The following TMPRSS11D variants were observed in gnomAD, a reference collection of about 807,000 sequenced individuals.
The protein encoded by TMPRSS11D is transmembrane protease serine 11D.
TMPRSS11D carries 32 observed loss-of-function variants against 44.4 expected under a neutral mutation model. The observed-to-expected ratio is 0.72, with a 90% CI of 0.54 to 0.97. The LOEUF (loss-of-function observed/expected upper bound fraction) is 0.97, where lower values mean the gene tolerates loss of function less well. TMPRSS11D is among the 50% of genes least tolerant of loss of function. The pLI, the probability that TMPRSS11D is intolerant of heterozygous loss-of-function variation, is 0.00. For missense variants in TMPRSS11D, 446 were observed against 502.6 expected, an observed-to-expected ratio of 0.89 and a Z score of 1.08; for synonymous variants, 179 against 177.9, an observed-to-expected ratio of 1.01 and a Z score of -0.05.
intron 3 of TMPRSS11D, among the ~76,000 whole-genome samples, chr4:67,853,003 A>G (rs558281969): frequency 3.9e-5 from 6 of 152,340 alleles, no homozygotes; most frequent in African/African-American, 9.6e-5. Flanking sequence ...ATTATATCCA[A>G]TCATGGAGAG....
At chr4:67,883,745 C>T (rs1719381481) in intron 1 of TMPRSS11D, among the ~76,000 whole-genome samples, 181 bp downstream of exon 1, 2 of 151,956 alleles carry the variant, frequency 1.3e-5, no homozygotes, top group Non-Finnish European at 2.9e-5. Flanking sequence ...AACTATGTAC[C>T]TTATGAAAAT....
chr4:67,862,265 G>A (rs1213963667), intron 1 of TMPRSS11D, among the ~76,000 whole-genome samples: 1 of 152,012 alleles, frequency 6.6e-6, no homozygotes, highest in Non-Finnish European at 1.5e-5. Context: ...TCTGTATTAC[G>A]ATTGCATTTT....
intron 3 of TMPRSS11D, among the ~76,000 whole-genome samples, chr4:67,847,056 C>T (rs1002872091): frequency 3.3e-5 from 5 of 152,128 alleles, no homozygotes; most frequent in African/African-American, 1.2e-4. Flanking sequence ...AAGCATCCAC[C>T]ATCATCCCTG....
chr4:67,833,357 A>G lies in TMPRSS11D; in HGVS notation c.539T>C (p.Ile180Thr), dbSNP rs1464768639. 6.3e-7 allele frequency: 1 copy of G among 1,576,942 alleles called. No individual in the cohort carries two copies. The highest frequency in any genetic ancestry group is 8.6e-7 in the Non-Finnish European group (1 of 1,162,852). ...AAGGATTCTCTGCTCAGACAATGTT[A>G]TTAGGTCTGGACCGGCCCCACATTC... ...INECGAGPDL[I>T]TLSEQRILGG... Residue 180 changes from isoleucine to threonine, a missense_variant, in exon 7 of 10, where the codon ATA becomes ACA. Transcript: ENST00000283916.
intron 7 of TMPRSS11D, among the ~76,000 whole-genome samples, chr4:67,829,357 G>A (rs1460523107): frequency 1.3e-5 from 2 of 149,506 alleles, no homozygotes; most frequent in East Asian, 2.0e-4. Flanking sequence ...TAAACTTATC[G>A]AACTCCCCTC....
At chr4:67,824,688 A>G (rs1717748287) in intron 9 of TMPRSS11D, among the ~76,000 whole-genome samples, 1 of 152,148 alleles carries the variant, frequency 6.6e-6, no homozygotes, top group Non-Finnish European at 1.5e-5. Flanking sequence ...TGTGAGAACT[A>G]CTTTTTATCC....
At chr4:67,832,693 A>G (rs1234148687) in intron 7 of TMPRSS11D, among the ~76,000 whole-genome samples, 3 of 150,130 alleles carry the variant, frequency 2.0e-5, no homozygotes, top group Non-Finnish European at 3.0e-5. Flanking sequence ...CTGTGCTCAT[A>G]CTAGATACTC....
rs1718049192 is a variant in TMPRSS11D at position 67,835,258 on chromosome 4, G to A, written c.476-137C>T. The A allele has an allele frequency of 9.9e-6, 7 of 704,932 alleles. No homozygotes were observed. In the East Asian group the frequency reaches 1.7e-4, roughly 17 times the overall value. 43.7% of individuals were successfully genotyped at this position (704,932 alleles called of 1,614,324 possible). A position where few individuals can be genotyped will look rare whatever the true frequency, so the allele number is the denominator to read the frequency against. On this transcript the variant is annotated intron_variant, in intron 5 of 9. Coordinates refer to ENST00000283916, the MANE Select transcript of TMPRSS11D (RefSeq NM_004262.3). ...TTGGGAGGTGGTCCTCTAAAATGCAGATTCCTAGGCTTCCTTTCAGACCTG... is the reference window on the plus strand; with the variant it reads ...TTGGGAGGTGGTCCTCTAAAATGCAAATTCCTAGGCTTCCTTTCAGACCTG...
intron 5 of TMPRSS11D, among the ~76,000 whole-genome samples, chr4:67,836,413 C>T (rs907030265): frequency 2.6e-5 from 4 of 152,144 alleles, no homozygotes; most frequent in African/African-American, 7.2e-5. Context: ...CAGGTTTCCA[C>T]GCTCTCTCAA....
At chr4:67,862,522 T>C (rs1718814367) in intron 1 of TMPRSS11D, among the ~76,000 whole-genome samples, 2 of 152,128 alleles carry the variant, frequency 1.3e-5, no homozygotes, top group Non-Finnish European at 2.9e-5. Context: ...TCTTAAGATA[T>C]ATCTTCAGCC....
chr4:67,850,052 G>C, intron 3 of TMPRSS11D, among the ~76,000 whole-genome samples: 1 of 152,202 alleles, frequency 6.6e-6, no homozygotes, highest in East Asian at 1.9e-4. Context: ...TACATCAGAA[G>C]AATTTCATGG....
chr4:67,866,457 A>G (rs1233161142), intron 1 of TMPRSS11D, among the ~76,000 whole-genome samples: 1 of 152,080 alleles, frequency 6.6e-6, no homozygotes, highest in Non-Finnish European at 1.5e-5. Context: ...GACCACTTTC[A>G]TCACGTCTAT....
intron 1 of TMPRSS11D, among the ~76,000 whole-genome samples, chr4:67,872,160 A>G (rs984750238): frequency 6.6e-6 from 1 of 152,202 alleles, no homozygotes; most frequent in Admixed American, 6.5e-5. Context: ...TACTAGTTTC[A>G]AAACAAGAAA....
chr4:67,851,314 C>T (rs1718502984), intron 3 of TMPRSS11D, among the ~76,000 whole-genome samples: 2 of 152,176 alleles, frequency 1.3e-5, no homozygotes, highest in South Asian at 2.1e-4. Flanking sequence ...AAAATATACT[C>T]CCAAACAACT....
rs1406356239 is a variant in TMPRSS11D, at chr4:67,827,690, C to A, written c.693-170G>T. Among the ~76,000 whole-genome samples, 6 of 151,890 alleles carry A rather than the reference C, an allele frequency of 4.0e-5. No individual in the cohort carries two copies. In the South Asian group the frequency reaches 8.3e-4, roughly 21 times the overall value. On this transcript the variant is annotated intron_variant, in intron 7 of 9. Transcript: ENST00000283916. Reference sequence around the variant, plus strand: ...CAAGTGAGTTTAATTCTTCACTGGCCGAATACATGGTCACTTGTCTAAAGA... The same window carrying A: ...CAAGTGAGTTTAATTCTTCACTGGCAGAATACATGGTCACTTGTCTAAAGA...
rs1717672228 is a variant in TMPRSS11D, at chr4:67,822,503, A to G, written c.1096-5T>C. Reference sequence around the variant, plus strand: ...TAGTGGGCCACCAGAGTCACCCTGTAAAAAAACAGAATGACTGATTACTTA... The same window carrying G: ...TAGTGGGCCACCAGAGTCACCCTGTGAAAAAACAGAATGACTGATTACTTA... On this transcript the variant is annotated splice_region_variant and splice_polypyrimidine_tract_variant and intron_variant, in intron 9 of 9. Transcript: ENST00000283916. 1 of 1,613,484 alleles carries G rather than the reference A, an allele frequency of 6.2e-7. No individual in the cohort carries two copies. The highest frequency in any genetic ancestry group is 8.5e-7 in the Non-Finnish European group (1 of 1,179,730).
intron 1 of TMPRSS11D, among the ~76,000 whole-genome samples, chr4:67,863,148 C>T (rs1235868128): frequency 6.6e-6 from 1 of 151,076 alleles, no homozygotes; most frequent in Non-Finnish European, 1.5e-5. Context: ...TATGCTCAAA[C>T]CATGACCTTG....
chr4:67,880,306 A>C (rs1262941289), intron 1 of TMPRSS11D, among the ~76,000 whole-genome samples: 2 of 152,212 alleles, frequency 1.3e-5, no homozygotes, highest in Admixed American at 1.3e-4. Flanking sequence ...AAAAAGCAAA[A>C]GGAGAGAATG....
chr4:67,825,735 A>T lies in TMPRSS11D; in HGVS notation c.1092T>A (p.Cys364Ter), dbSNP rs1717774726. Residue 364 changes from cysteine (C) to a stop codon, truncating the protein, a stop_gained, in exon 9 of 10, where the codon TGT becomes TGA. Coordinates refer to ENST00000283916, the MANE Select transcript of TMPRSS11D (RefSeq NM_004262.3). LOFTEE classifies it high-confidence loss of function. ...GATGAGATTGTCTTGAGCTTACCTGACATGCGTCCACTCCACCTTGAGGTA... is the reference window on the plus strand; with the variant it reads ...GATGAGATTGTCTTGAGCTTACCTGTCATGCGTCCACTCCACCTTGAGGTA... ...AGVPQGGVDA[C>*]QGDSGGPLVQ... 1 of 1,612,678 alleles carries T rather than the reference A, an allele frequency of 6.2e-7. No individual in the cohort carries two copies. The highest frequency in any genetic ancestry group is 1.7e-5 in the Admixed American group (1 of 59,798).
Sources: allele counts gnomAD v4.1 joint callset (sites outside exome capture counted in the v4.1 genomes callset), GRCh38; gene constraint gnomAD v4.1.1; transcripts MANE v1.5; gene names NCBI Gene and HGNC (gene_info 2026-07-23, HGNC 2026-07-21).